AGK: variants seen among roughly 807,000 people sequenced by gnomAD.
AGK encodes the protein acylglycerol kinase.
AGK carries 52 observed loss-of-function variants against 66.4 expected under a neutral mutation model. That is an observed-to-expected ratio of 0.78 (90% CI 0.63 to 0.99). The LOEUF is 0.99. AGK is among the 50% of genes least tolerant of loss of function. The pLI is 0.00. For missense variants in AGK, 451 were observed against 506.6 expected (o/e 0.89, Z 1.05); for synonymous variants, 182 against 181.1 (o/e 1.00, Z -0.04).
At chr7:141,647,783 G>A (rs1330195727) in intron 13 of AGK, among the ~76,000 whole-genome samples, 4 of 152,102 alleles carry the variant, frequency 2.6e-5, no homozygotes, top group Admixed American at 2.0e-4. Flanking sequence ...CGATTCTCCC[G>A]CCTCAGCCTC....
At chr7:141,638,671 A>C (rs1464753777) in intron 11 of AGK, among the ~76,000 whole-genome samples, 2 of 152,170 alleles carry the variant, frequency 1.3e-5, no homozygotes, top group Non-Finnish European at 2.9e-5. Context: ...TTAAGTTAGA[A>C]CCTCAAAAGT....
At chr7:141,553,380 C>G (rs1168922355) in intron 1 of AGK, among the ~76,000 whole-genome samples, 5 of 152,202 alleles carry the variant, frequency 3.3e-5, no homozygotes, top group African/African-American at 1.2e-4. Context: ...GTGATTTCCT[C>G]CTCATTATTC....
At chr7:141,577,455 T>C (rs189319799) in intron 2 of AGK, among the ~76,000 whole-genome samples, 138 of 152,318 alleles carry the variant, frequency 9.1e-4, no homozygotes, top group African/African-American at 2.7e-3. Context: ...TAAGTTCAGC[T>C]AAAGACAGGG....
At chr7:141,613,821 G>A (rs1251658497) in intron 6 of AGK, among the ~76,000 whole-genome samples, 1 of 151,918 alleles carries the variant, frequency 6.6e-6, no homozygotes, top group African/African-American at 2.4e-5. Context: ...GGTAAACTAG[G>A]GTTTTCTGTA....
At chr7:141,605,739 A>G (rs921301182) in intron 5 of AGK, among the ~76,000 whole-genome samples, 2 of 152,184 alleles carry the variant, frequency 1.3e-5, no homozygotes, top group Non-Finnish European at 2.9e-5. Flanking sequence ...TTGAAGATAC[A>G]AACATCTAGA....
At position 141,641,915 on chromosome 7, in the gene AGK, G is replaced by T; in HGVS notation, c.975+7G>T. The T allele has an allele frequency of 6.4e-7, 1 of 1,568,730 alleles. No homozygotes were observed. Among genetic ancestry groups the T allele is most frequent in the Admixed American group, 1.9e-5 (1 of 52,886 alleles). ...TAATCAGCTTGACCCGACAGTAAGT[G>T]TGCTTTTTTATTAGAAAAGCATTTG... On this transcript the variant is annotated splice_region_variant and intron_variant, in intron 13 of 15. Coordinates refer to ENST00000649286, the MANE Select transcript of AGK (RefSeq NM_018238.4).
intron 2 of AGK, among the ~76,000 whole-genome samples, chr7:141,567,697 G>C (rs1473793689): frequency 6.6e-6 from 1 of 152,194 alleles, no homozygotes; most frequent in Admixed American, 6.5e-5. Flanking sequence ...AGCTTCCCTG[G>C]GGAAGATTAT....
intron 3 of AGK, chr7:141,593,418 T>C: frequency 1.4e-6 from 1 of 702,732 alleles, no homozygotes; most frequent in Non-Finnish European, 2.6e-6. Flanking sequence ...GTTTCTGGAT[T>C]GGTCCCAAGA....
intron 2 of AGK, among the ~76,000 whole-genome samples, chr7:141,582,831 G>T (rs1795910379): frequency 6.6e-6 from 1 of 151,846 alleles, no homozygotes; most frequent in Non-Finnish European, 1.5e-5. Context: ...GGGTAGGGGA[G>T]CGGAGGCTGA....
chr7:141,651,039 T>C (rs1427777083), intron 14 of AGK, among the ~76,000 whole-genome samples: 1 of 152,134 alleles, frequency 6.6e-6, no homozygotes, highest in African/African-American at 2.4e-5. Flanking sequence ...TCCACGGGAG[T>C]GGGACCCACA....
At position 141,653,164 on chromosome 7, in the gene AGK, G is replaced by A. The variant is rs1797606522; in HGVS notation, c.*240G>A. On this transcript the variant is annotated 3_prime_UTR_variant, in exon 16 of 16. Coordinates refer to ENST00000649286, the MANE Select transcript of AGK (RefSeq NM_018238.4). ...GTGACGGTTGGCCCTCCTAAACACG[G>A]ACTTTCCTCAGGCTGGTTCAAGACG... 1 of 475,492 alleles carries A rather than the reference G, an allele frequency of 2.1e-6. No homozygotes were observed. The highest frequency in any genetic ancestry group is 3.8e-6 in the Non-Finnish European group (1 of 262,470). The allele number at this position is 475,492 out of a possible 1,614,324, so 29.5% of individuals were successfully genotyped here.
intron 2 of AGK, among the ~76,000 whole-genome samples, chr7:141,575,654 CTTTTT>C (rs58292692): frequency 0.046 from 2,670 of 57,996 alleles, 31 homozygotes; most frequent in African/African-American, 0.11. Flanking sequence ...TTACAAAGGC[CTTTTT>C]TTTTTTTTTT....
intron 10 of AGK, among the ~76,000 whole-genome samples, chr7:141,635,147 A>G (rs1797143074): frequency 6.6e-6 from 1 of 152,192 alleles, no homozygotes; most frequent in Non-Finnish European, 1.5e-5. Flanking sequence ...GTACAGATCA[A>G]CGCTTTTAGG....
chr7:141,640,802 C>A (rs1290409989), intron 11 of AGK, among the ~76,000 whole-genome samples: 2 of 152,030 alleles, frequency 1.3e-5, no homozygotes, highest in Non-Finnish European at 2.9e-5. Context: ...AAGTGAGAAG[C>A]CTTGGGCTGG....
intron 13 of AGK, chr7:141,649,024 T>G (rs759164980): frequency 1.6e-4 from 59 of 380,030 alleles, no homozygotes; most frequent in Non-Finnish European, 2.3e-4. Flanking sequence ...TGTTTGCTTA[T>G]GTAGTAAAAA....
chr7:141,646,035 G>C (rs1744953819), intron 13 of AGK, among the ~76,000 whole-genome samples: 1 of 152,128 alleles, frequency 6.6e-6, no homozygotes, highest in South Asian at 2.1e-4. Flanking sequence ...GCTTGCCCGA[G>C]GTGACTGCTG....
chr7:141,596,511 T>C lies in AGK; in HGVS notation c.142-51T>C, dbSNP rs1193339413. 7 of 1,515,080 alleles carry C rather than the reference T, an allele frequency of 4.6e-6. No homozygotes were observed. In the South Asian group the frequency reaches 6.7e-5, roughly 15 times the overall value. 93.9% of individuals were successfully genotyped at this position (1,515,080 alleles called of 1,614,324 possible). On this transcript the variant is annotated intron_variant, in intron 3 of 15. Transcript: ENST00000649286. ...TTGGAATGAAAGAATACATGTGACA[T>C]TTACCAAATAAATGGACTTTTACTG...
Position 141,641,395 on chromosome 7 carries a change from G to C in AGK, c.874G>C (p.Asp292His). Residue 292 changes from aspartate to histidine, a missense_variant, in exon 12 of 16, where the codon GAT becomes CAT. By Grantham distance (81) the Asp-to-His change is moderately conservative. Coordinates refer to ENST00000649286, the MANE Select transcript of AGK (RefSeq NM_018238.4). Reference sequence around the variant, plus strand: ...TGCGTCCTACTGGGCACAACCACAGGATGGTGAGCAATGTGGCGACTAAAG... The same window carrying C: ...TGCGTCCTACTGGGCACAACCACAGCATGGTGAGCAATGTGGCGACTAAAG... ...RLASYWAQPQ[D>H]ALSQEVSPEV... 2 of 1,609,796 alleles carry C rather than the reference G, an allele frequency of 1.2e-6. No homozygotes were observed. Among genetic ancestry groups the C allele is most frequent in the Non-Finnish European group, 1.7e-6 (2 of 1,178,724 alleles).
chr7:141,638,100 G>T (rs752825236), intron 11 of AGK, among the ~76,000 whole-genome samples: 3 of 152,160 alleles, frequency 2.0e-5, no homozygotes, highest in Non-Finnish European at 4.4e-5. Context: ...ACATATGCTT[G>T]GGATACAAAG....
Sources: gnomAD v4.1 joint callset for allele counts (sites outside exome capture counted in the v4.1 genomes callset) on GRCh38, gnomAD v4.1.1 for gene constraint, MANE v1.5 for transcripts, NCBI Gene and HGNC (gene_info 2026-07-23, HGNC 2026-07-21) for gene names.